The following TOX3 variants were observed in gnomAD, a reference collection of about 807,000 sequenced individuals.
The protein encoded by TOX3 is TOX high mobility group box family member 3, also known as CAG trinucleotide repeat-containing gene F9 protein.
A neutral mutation model predicts 64.3 loss-of-function variants in TOX3; 22 were observed. That is an observed-to-expected ratio of 0.34 (90% CI 0.24 to 0.49). The LOEUF (loss-of-function observed/expected upper bound fraction) is 0.49, where lower values mean the gene tolerates loss of function less well. Among genes scored for constraint, TOX3 ranks in the 20% least tolerant of loss-of-function variants. The probability of loss-of-function intolerance (pLI) is 0.99; values close to 1 mark genes in which losing one functional copy is unlikely to be tolerated. For missense variants in TOX3, 661 were observed against 714.4 expected (o/e 0.93, Z 0.85); for synonymous variants, 291 against 273.6 (o/e 1.06, Z -0.63).
intron 1 of TOX3, among the ~76,000 whole-genome samples, chr16:52,507,589 G>A (rs1962192629): frequency 6.6e-6 from 1 of 152,116 alleles, no homozygotes; most frequent in African/African-American, 2.4e-5. Context: ...TCAATTGTAT[G>A]CACACAGCTT....
intron 1 of TOX3, among the ~76,000 whole-genome samples, chr16:52,520,876 C>T (rs1400904705): frequency 1.3e-5 from 2 of 152,000 alleles, no homozygotes; most frequent in African/African-American, 4.8e-5. Context: ...TATTGTGAGC[C>T]TTTATTTTTC....
intron 4 of TOX3, among the ~76,000 whole-genome samples, chr16:52,447,966 A>G (rs1404422727): frequency 6.6e-6 from 1 of 152,120 alleles, no homozygotes; most frequent in African/African-American, 2.4e-5. Context: ...CTTTTTTTCC[A>G]AATAAGAGGA....
intron 1 of TOX3, among the ~76,000 whole-genome samples, chr16:52,535,229 T>C (rs1392721086): frequency 2.6e-5 from 4 of 152,178 alleles, no homozygotes; most frequent in African/African-American, 9.7e-5. Flanking sequence ...CTACCTGGTG[T>C]CCCTTCCTCT....
intron 1 of TOX3, among the ~76,000 whole-genome samples, chr16:52,528,576 G>A (rs550119290): frequency 6.6e-5 from 10 of 152,068 alleles, no homozygotes; most frequent in Non-Finnish European, 1.3e-4. Context: ...TCTCTCTCTC[G>A]CACCGTGCCA....
At chr16:52,508,211 AT>A (rs1962212573) in intron 1 of TOX3, among the ~76,000 whole-genome samples, 1 of 152,244 alleles carries the variant, frequency 6.6e-6, no homozygotes, top group African/African-American at 2.4e-5. Context: ...TATAATGCAG[AT>A]ACATTCTGGG....
Position 52,546,631 on chromosome 16 carries a change from G to A in TOX3, c.87+6C>T, listed in dbSNP as rs58399656. 4.7e-3 allele frequency: 7,194 copies of A among 1,530,814 alleles called. 258 individuals carry two copies. The African/African-American group carries it at 0.082, about 18-fold the overall frequency. The allele number at this position is 1,530,814 out of a possible 1,614,324, so 94.8% of individuals were successfully genotyped here. ...GCCCCCCGGCCCACCGGCCCAGCCC[G>A]GTCACCTTGCTGTAGCCGTAGTACC... On this transcript the variant is annotated splice_donor_region_variant and intron_variant, in intron 1 of 6. Transcript: ENST00000219746.
intron 1 of TOX3, among the ~76,000 whole-genome samples, chr16:52,520,108 T>C (rs1232637419): frequency 6.6e-6 from 1 of 152,162 alleles, no homozygotes; most frequent in Non-Finnish European, 1.5e-5. Context: ...TCTAATTTTA[T>C]GAAATATGGG....
intron 1 of TOX3, among the ~76,000 whole-genome samples, chr16:52,509,641 C>A (rs1361455423): frequency 6.6e-6 from 1 of 152,176 alleles, no homozygotes; most frequent in Non-Finnish European, 1.5e-5. Context: ...TTCACACTTG[C>A]CAATCACACA....
chr16:52,476,562 C>A (rs977166840), intron 1 of TOX3, among the ~76,000 whole-genome samples: 1 of 151,740 alleles, frequency 6.6e-6, no homozygotes, highest in Non-Finnish European at 1.5e-5. Flanking sequence ...CCAATCATCA[C>A]CAATATTCGG....
chr16:52,494,370 C>G (rs977046008), intron 1 of TOX3, among the ~76,000 whole-genome samples: 1 of 152,162 alleles, frequency 6.6e-6, no homozygotes, highest in African/African-American at 2.4e-5. Context: ...AACAAGATGG[C>G]AAGGCCTCCA....
At position 52,439,417 on chromosome 16, in the gene TOX3, G is replaced by T. The variant is rs367802878; in HGVS notation, c.1539C>A (p.Arg513=). 97 of 1,559,752 alleles carry T rather than the reference G, an allele frequency of 6.2e-5. No homozygotes were observed. In the East Asian group the frequency reaches 1.9e-3, roughly 31 times the overall value. ...QQQLQQQLQQ[R]LQLQQLQHMQ... ...TGTGTTGCAGCTGCTGCAGCTGGAG[G>T]CGCTGCTGCAGCTGCTGCTGCAGCT... The change falls in exon 7 of 7, where the codon CGC becomes CGA. Residue 513 remains arginine (R), a synonymous_variant. Transcript: ENST00000219746.
chr16:52,528,396 A>T (rs1208361723), intron 1 of TOX3, among the ~76,000 whole-genome samples: 2 of 151,982 alleles, frequency 1.3e-5, no homozygotes, highest in Non-Finnish European at 2.9e-5. Context: ...TGCTGTGGGC[A>T]AGACTTGATC....
intron 1 of TOX3, among the ~76,000 whole-genome samples, chr16:52,479,023 A>G (rs1260662207): frequency 6.6e-6 from 1 of 152,198 alleles, no homozygotes; most frequent in East Asian, 1.9e-4. Context: ...AAAAATGTGA[A>G]TAAGACCCAG....
intron 1 of TOX3, among the ~76,000 whole-genome samples, chr16:52,486,795 G>C (rs1278733912): frequency 6.6e-6 from 1 of 152,096 alleles, no homozygotes; most frequent in Non-Finnish European, 1.5e-5. Flanking sequence ...AATTAGCAGA[G>C]TGTGGTAGTG....
intron 1 of TOX3, among the ~76,000 whole-genome samples, chr16:52,529,096 T>C (rs972947621): frequency 7.2e-5 from 11 of 152,228 alleles, no homozygotes; most frequent in Non-Finnish European, 1.3e-4. Context: ...ATGCTGATTA[T>C]GTCAGGAGGT....
At chr16:52,545,377 C>T (rs1015311064) in intron 1 of TOX3, among the ~76,000 whole-genome samples, 1 of 152,150 alleles carries the variant, frequency 6.6e-6, no homozygotes, top group South Asian at 2.1e-4. Context: ...CAAGAGAGAC[C>T]CTAATGGTCT....
intron 1 of TOX3, among the ~76,000 whole-genome samples, chr16:52,513,520 A>T (rs2151473582): frequency 6.6e-6 from 1 of 152,358 alleles, no homozygotes; most frequent in Admixed American, 6.5e-5. Context: ...TCCTATAGTT[A>T]ACATGGGATA....
At chr16:52,528,408 G>GTT (rs564726643) in intron 1 of TOX3, among the ~76,000 whole-genome samples, 2 of 148,488 alleles carry the variant, frequency 1.3e-5, no homozygotes, top group African/African-American at 4.9e-5. Context: ...GACTTGATCT[G>GTT]TTTTTTTTTT....
At chr16:52,473,542 G>A (rs1458057932) in intron 1 of TOX3, among the ~76,000 whole-genome samples, 1 of 152,144 alleles carries the variant, frequency 6.6e-6, no homozygotes, top group Non-Finnish European at 1.5e-5. Flanking sequence ...AGGCCGGACT[G>A]CAAAGTCCAC....
Sources: gnomAD v4.1 joint callset for allele counts (sites outside exome capture counted in the v4.1 genomes callset) on GRCh38, gnomAD v4.1.1 for gene constraint, MANE v1.5 for transcripts, NCBI Gene and HGNC (gene_info 2026-07-23, HGNC 2026-07-21) for gene names.